Variants in TSPAN9 observed in about 807,000 individuals in gnomAD.
TSPAN9 encodes the protein tetraspanin-9.
In TSPAN9, 16 loss-of-function variants were observed where a neutral mutation model predicts 31.0. That is an observed-to-expected ratio of 0.52 (90% CI 0.35 to 0.78). The LOEUF (loss-of-function observed/expected upper bound fraction) is 0.78, where lower values mean the gene tolerates loss of function less well. Among genes scored for constraint, TSPAN9 ranks in the 30% least tolerant of loss-of-function variants. TSPAN9 has a pLI of 0.01. For missense variants in TSPAN9, 272 were observed against 312.5 expected (o/e 0.87, Z 0.98); for synonymous variants, 145 against 121.6 (o/e 1.19, Z -1.27).
intron 3 of TSPAN9, among the ~76,000 whole-genome samples, chr12:3,246,678 G>A (rs975379556): frequency 1.2e-4 from 18 of 152,188 alleles, no homozygotes; most frequent in African/African-American, 4.3e-4. Flanking sequence ...CCATTCCTGG[G>A]CCTAATAATA....
intron 2 of TSPAN9, among the ~76,000 whole-genome samples, chr12:3,122,397 G>A (rs989257521): frequency 2.0e-5 from 3 of 151,824 alleles, no homozygotes; most frequent in Non-Finnish European, 4.4e-5. Flanking sequence ...TCACTGCAGC[G>A]TTGATCGGCT....
chr12:3,113,424 T>C (rs1011268931), intron 2 of TSPAN9, among the ~76,000 whole-genome samples: 3 of 152,190 alleles, frequency 2.0e-5, no homozygotes, highest in African/African-American at 7.2e-5. Context: ...GAGGCCATGA[T>C]GAGAAATTGG....
chr12:3,273,177 T>C (rs1862717189), intron 3 of TSPAN9: 1 of 152,278 alleles, frequency 6.6e-6, no homozygotes, highest in Admixed American at 6.5e-5. Flanking sequence ...AGCCCTGCTC[T>C]AGGCTCTGCG....
At chr12:3,227,858 G>A (rs556086288) in intron 3 of TSPAN9, among the ~76,000 whole-genome samples, 1 of 152,338 alleles carries the variant, frequency 6.6e-6, no homozygotes, top group East Asian at 1.9e-4. Flanking sequence ...GGTGGTACAG[G>A]TTTGACTTCT....
chr12:3,224,960 G>A (rs535490063), intron 3 of TSPAN9, among the ~76,000 whole-genome samples: 1 of 152,212 alleles, frequency 6.6e-6, no homozygotes, highest in African/African-American at 2.4e-5. Flanking sequence ...GGCAGCCAGA[G>A]CTTCAGAATT....
chr12:3,281,466 A>C, intron 7 of TSPAN9, 137 bp downstream of exon 7: 2 of 1,097,682 alleles, frequency 1.8e-6, no homozygotes, highest in Non-Finnish European at 2.4e-6. Flanking sequence ...ACAAAAATAA[A>C]GCCAAAAGAC....
At chr12:3,089,529 T>C (rs1332867261) in intron 2 of TSPAN9, among the ~76,000 whole-genome samples, 7 of 151,716 alleles carry the variant, frequency 4.6e-5, no homozygotes, top group African/African-American at 7.3e-5. Context: ...TCTCCTGACC[T>C]CGTGATCCGC....
chr12:3,255,873 G>A (rs369798330), intron 3 of TSPAN9, among the ~76,000 whole-genome samples: 27 of 152,240 alleles, frequency 1.8e-4, no homozygotes, highest in Non-Finnish European at 3.2e-4. Context: ...CGTAGATCGT[G>A]TGGCAACAAG....
chr12:3,267,218 G>GA (rs142121918), intron 3 of TSPAN9, among the ~76,000 whole-genome samples: 2,118 of 152,314 alleles, frequency 0.014, 53 homozygotes, highest in African/African-American at 0.049. Context: ...CTCTTTGCCA[G>GA]AAGATGGTAT....
At chr12:3,211,138 G>GT (rs2098378465) in intron 3 of TSPAN9, among the ~76,000 whole-genome samples, 2 of 148,924 alleles carry the variant, frequency 1.3e-5, no homozygotes, top group African/African-American at 2.5e-5. Context: ...CTGAAGATGA[G>GT]TTCCTGGACT....
intron 3 of TSPAN9, among the ~76,000 whole-genome samples, chr12:3,212,071 A>G (rs973650281): frequency 6.6e-6 from 1 of 152,168 alleles, no homozygotes; most frequent in Non-Finnish European, 1.5e-5. Context: ...TCCCAGGTTC[A>G]AGCAATTCTT....
At chr12:3,105,808 A>ACACGCACACGCGCACACATGCGCG (rs2098314243) in intron 2 of TSPAN9, among the ~76,000 whole-genome samples, 1 of 150,676 alleles carries the variant, frequency 6.6e-6, no homozygotes, top group Non-Finnish European at 1.5e-5. Context: ...ACACATGCGC[A>ACACGCACACGCGCACACATGCGCG]CACACGCACA....
At chr12:3,127,049 A>G (rs1394309273) in intron 2 of TSPAN9, among the ~76,000 whole-genome samples, 1 of 152,052 alleles carries the variant, frequency 6.6e-6, no homozygotes, top group Non-Finnish European at 1.5e-5. Flanking sequence ...AGCTGGGACT[A>G]CAGGCTTGGT....
intron 3 of TSPAN9, among the ~76,000 whole-genome samples, chr12:3,258,592 G>A (rs1007515696): frequency 6.8e-6 from 1 of 147,818 alleles, no homozygotes; most frequent in Admixed American, 6.7e-5. Context: ...CAATCTTGTG[G>A]ACACCATTTC....
chr12:3,218,137 T>G (rs527798738), intron 3 of TSPAN9, among the ~76,000 whole-genome samples: 1 of 152,252 alleles, frequency 6.6e-6, no homozygotes, highest in East Asian at 1.9e-4. Flanking sequence ...CTGCGTCCTG[T>G]GCTCAGCCCC....
chr12:3,088,883 G>C (rs1457061584), intron 2 of TSPAN9, among the ~76,000 whole-genome samples: 1 of 152,104 alleles, frequency 6.6e-6, no homozygotes, highest in Non-Finnish European at 1.5e-5. Context: ...TCAGGCGCGG[G>C]AGGCTGGTGG....
chr12:3,093,516 G>A (rs903424567), intron 2 of TSPAN9, among the ~76,000 whole-genome samples: 12 of 152,260 alleles, frequency 7.9e-5, no homozygotes, highest in African/African-American at 1.9e-4. Flanking sequence ...TGGGGGCTGC[G>A]GACTACCTCA....
intron 2 of TSPAN9, among the ~76,000 whole-genome samples, chr12:3,141,087 C>T (rs115618237): frequency 0.05 from 7,669 of 151,914 alleles, 238 homozygotes; most frequent in South Asian, 0.074. Flanking sequence ...ACGAGGACCA[C>T]GGGGCTTTGA....
intron 2 of TSPAN9, among the ~76,000 whole-genome samples, chr12:3,086,081 C>T (rs1203745864): frequency 6.6e-6 from 1 of 152,190 alleles, no homozygotes; most frequent in Non-Finnish European, 1.5e-5. Context: ...GGACTCCAGC[C>T]CTGCATGTTA....
Sources: gnomAD v4.1 joint callset for allele counts (sites outside exome capture counted in the v4.1 genomes callset) on GRCh38, gnomAD v4.1.1 for gene constraint, MANE v1.5 for transcripts, NCBI Gene and HGNC (gene_info 2026-07-23, HGNC 2026-07-21) for gene names.